The following NRF1 variants were observed in gnomAD, a reference collection of about 807,000 sequenced individuals.
NRF1 encodes alpha palindromic-binding protein.
NRF1 carries 5 observed loss-of-function variants against 58.5 expected under a neutral mutation model. The ratio of observed to expected loss-of-function variants is 0.09; its 90% confidence interval spans 0.04 to 0.18. The LOEUF (loss-of-function observed/expected upper bound fraction) is 0.18, where lower values mean the gene tolerates loss of function less well. NRF1 is among the 10% of genes least tolerant of loss of function. The probability of loss-of-function intolerance (pLI) is 1.00; values close to 1 mark genes in which losing one functional copy is unlikely to be tolerated. For synonymous variants in NRF1, 224 were observed against 246.7 expected, an observed-to-expected ratio of 0.91 and a Z score of 0.86; for missense variants, 288 against 657.7, an observed-to-expected ratio of 0.44 and a Z score of 6.15.
At chr7:129,669,549 A>G (rs1327261866) in intron 2 of NRF1, among the ~76,000 whole-genome samples, 2 of 152,224 alleles carry the variant, frequency 1.3e-5, no homozygotes, top group Non-Finnish European at 2.9e-5. Flanking sequence ...ATAATAAAAT[A>G]TTGGACTCCT....
intron 7 of NRF1, among the ~76,000 whole-genome samples, chr7:129,711,093 T>G (rs1803062646): frequency 6.6e-6 from 1 of 152,160 alleles, no homozygotes; most frequent in African/African-American, 2.4e-5. Flanking sequence ...TTAAAATGAC[T>G]TCTGTTTTAC....
chr7:129,727,304 C>T lies in NRF1; in HGVS notation c.1287C>T (p.Ile429=), dbSNP rs756500940. 7 of 1,609,820 alleles carry T rather than the reference C, an allele frequency of 4.3e-6. No individual in the cohort carries two copies. Among genetic ancestry groups the T allele is most frequent in the South Asian group, 3.3e-5 (3 of 90,100 alleles). The change falls in exon 10 of 11, where the codon ATC becomes ATT. Residue 429 remains isoleucine, a synonymous_variant. Coordinates refer to ENST00000393232, the MANE Select transcript of NRF1 (RefSeq NM_005011.5). ...CCACCTTACAAGGTGGGGGACAGATCGTCTTGTCTGGGGAAACCGCAGCAG... is the reference window on the plus strand; with the variant it reads ...CCACCTTACAAGGTGGGGGACAGATTGTCTTGTCTGGGGAAACCGCAGCAG... ...AEATLQGGGQ[I]VLSGETAAAV...
At chr7:129,637,466 A>G (rs1337620694) in intron 1 of NRF1, among the ~76,000 whole-genome samples, 1 of 152,210 alleles carries the variant, frequency 6.6e-6, no homozygotes, top group Non-Finnish European at 1.5e-5. Flanking sequence ...CAATGGTTAT[A>G]AAAGTAATCA....
At chr7:129,619,394 GTGTATATA>G (rs370334671) in intron 1 of NRF1, among the ~76,000 whole-genome samples, 119 of 46,558 alleles carry the variant, frequency 2.6e-3, no homozygotes, top group East Asian at 4.4e-3. Flanking sequence ...CTTGGCATAC[GTGTATATA>G]TATATATATA....
intron 1 of NRF1, among the ~76,000 whole-genome samples, chr7:129,639,697 G>A (rs1029335296): frequency 2.6e-5 from 4 of 151,858 alleles, no homozygotes; most frequent in Admixed American, 1.3e-4. Flanking sequence ...ATAGGTGCAT[G>A]CCACCACACC....
In NRF1 at chr7:129,615,089, C is replaced by A. The variant is rs531551959; in HGVS notation, c.-7+3265C>A. Among the ~76,000 whole-genome samples the A allele has an allele frequency of 5.2e-4, 79 of 152,236 alleles. 3 individuals are homozygous for A. The Middle Eastern group carries it at 0.01, about 20-fold the overall frequency. ...AGTAATTACTGAAATTAAAATTTTT[C>A]CCTGAGTATTTGAAAAGGCATGCTG... On this transcript the variant is annotated intron_variant, in intron 1 of 10. Coordinates refer to ENST00000393232, the MANE Select transcript of NRF1 (RefSeq NM_005011.5).
At chr7:129,733,501 T>C (rs1479520793) in intron 10 of NRF1, among the ~76,000 whole-genome samples, 1 of 151,816 alleles carries the variant, frequency 6.6e-6, no homozygotes, top group Non-Finnish European at 1.5e-5. Context: ...AACCCTATCT[T>C]AGCCATTTTT....
intron 2 of NRF1, among the ~76,000 whole-genome samples, chr7:129,664,160 G>A (rs1325555966): frequency 2.0e-5 from 3 of 151,878 alleles, no homozygotes; most frequent in African/African-American, 7.3e-5. Context: ...AAGGGAGGGA[G>A]AGGGTAGGGG....
chr7:129,693,195 G>A (rs1161878359), intron 5 of NRF1, among the ~76,000 whole-genome samples: 1 of 152,208 alleles, frequency 6.6e-6, no homozygotes, highest in Non-Finnish European at 1.5e-5. Flanking sequence ...CAGTGGTGGG[G>A]AACAGGATCG....
chr7:129,725,857 G>A (rs1447758602), intron 9 of NRF1, among the ~76,000 whole-genome samples: 2 of 152,106 alleles, frequency 1.3e-5, no homozygotes, highest in Non-Finnish European at 2.9e-5. Flanking sequence ...CTGTCCATTC[G>A]GTTTCTTTTC....
intron 10 of NRF1, among the ~76,000 whole-genome samples, chr7:129,731,477 T>C (rs1251841034): frequency 6.6e-6 from 1 of 152,184 alleles, no homozygotes; most frequent in Non-Finnish European, 1.5e-5. Context: ...TCTTTTTCAA[T>C]AGAGTCTTTG....
chr7:129,624,673 G>T lies in NRF1; in HGVS notation c.-7+12849G>T, dbSNP rs73159610. 4.5e-3 allele frequency among the ~76,000 whole-genome samples: 677 copies of T among 152,080 alleles called. 1 individual carries two copies. Among genetic ancestry groups the T allele is most frequent in the Admixed American group, 8.1e-3 (123 of 15,264 alleles). Reference sequence around the variant, plus strand: ...TTTCCCAACTGAAATTTCTCCCTGAGCCTTTTTATTATTATTATTATTTTT... The same window carrying T: ...TTTCCCAACTGAAATTTCTCCCTGATCCTTTTTATTATTATTATTATTTTT... On this transcript the variant is annotated intron_variant, in intron 1 of 10. Coordinates refer to ENST00000393232, the MANE Select transcript of NRF1 (RefSeq NM_005011.5).
intron 1 of NRF1, among the ~76,000 whole-genome samples, chr7:129,620,666 A>G (rs7803431): frequency 0.88 from 133,330 of 152,228 alleles, 58,513 homozygotes; most frequent in East Asian, 0.93. Flanking sequence ...GATTACAGGC[A>G]TGAGCCACCG....
intron 5 of NRF1, among the ~76,000 whole-genome samples, chr7:129,708,452 G>A (rs1803000443): frequency 6.6e-6 from 1 of 152,226 alleles, no homozygotes; most frequent in South Asian, 2.1e-4. Context: ...CTCATGGACA[G>A]TGGCCTAGCT....
intron 1 of NRF1, among the ~76,000 whole-genome samples, chr7:129,651,408 A>T (rs1356613060): frequency 1.6e-5 from 2 of 121,266 alleles, no homozygotes; most frequent in Admixed American, 1.9e-4. Context: ...CAACAGAGTG[A>T]GACTCTGTCT....
chr7:129,642,728 C>A (rs1014605476), intron 1 of NRF1, among the ~76,000 whole-genome samples: 1 of 149,754 alleles, frequency 6.7e-6, no homozygotes, highest in East Asian at 2.1e-4. Context: ...GAACACAAGT[C>A]ACTTCTAAAA....
intron 5 of NRF1, among the ~76,000 whole-genome samples, chr7:129,702,293 C>T (rs1268791338): frequency 2.0e-5 from 3 of 152,066 alleles, no homozygotes; most frequent in African/African-American, 7.3e-5. Context: ...TTGGGGGTGC[C>T]GAGATACAGA....
intron 5 of NRF1, among the ~76,000 whole-genome samples, chr7:129,703,031 A>AT (rs1016657691): frequency 2.0e-5 from 3 of 151,910 alleles, no homozygotes; most frequent in Non-Finnish European, 4.4e-5. Context: ...CATAGCAAGA[A>AT]TTTTTTTTTA....
intron 1 of NRF1, among the ~76,000 whole-genome samples, chr7:129,650,858 A>G (rs571302811): frequency 2.5e-4 from 38 of 152,224 alleles, no homozygotes; most frequent in Non-Finnish European, 3.8e-4. Context: ...ATTTTTACCT[A>G]TTGACAGTTC....
Sources: allele counts gnomAD v4.1 joint callset (sites outside exome capture counted in the v4.1 genomes callset), GRCh38; gene constraint gnomAD v4.1.1; transcripts MANE v1.5; gene names NCBI Gene and HGNC (gene_info 2026-07-23, HGNC 2026-07-21).